Variants in ARHGEF37 observed in about 807,000 individuals in gnomAD.
ARHGEF37 encodes the protein Rho guanine nucleotide exchange factor 37, also known as Rho guanine nucleotide exchange factor (GEF) 37.
Under a neutral mutation model 71.1 loss-of-function variants are expected in ARHGEF37, and 55 were observed. The ratio of observed to expected loss-of-function variants is 0.77; its 90% CI spans 0.62 to 0.97. The LOEUF (loss-of-function observed/expected upper bound fraction) is 0.97. Among genes scored for constraint, ARHGEF37 ranks in the 50% least tolerant of loss-of-function variants. The probability of loss-of-function intolerance (pLI) is 0.00; values close to 1 mark genes in which losing one functional copy is unlikely to be tolerated. For synonymous variants in ARHGEF37, 327 were observed against 350.6 expected, an observed-to-expected ratio of 0.93 and a Z score of 0.75; for missense variants, 765 against 836.8, an observed-to-expected ratio of 0.91 and a Z score of 1.06.
intron 1 of ARHGEF37, among the ~76,000 whole-genome samples, chr5:149,593,666 T>G (rs770750335): frequency 1.2e-4 from 19 of 152,248 alleles, no homozygotes; most frequent in Non-Finnish European, 2.6e-4. Context: ...GTATGTTATA[T>G]GTATTATATA....
chr5:149,577,534 A>G (rs1394435629), upstream of ARHGEF37, among the ~76,000 whole-genome samples: 1 of 152,236 alleles, frequency 6.6e-6, no homozygotes, highest in Non-Finnish European at 1.5e-5. Flanking sequence ...ATTAAAAAAA[A>G]TGGTATGGGA....
Position 149,616,660 on chromosome 5 carries a change from G to A in ARHGEF37, c.552G>A (p.Glu184=), listed in dbSNP as rs1752393098. ...RYPLLLQKIL[E]NTVPDASAYP... ...CACTGCTGCTGCAGAAAATCCTGGA[G>A]AACACAGTCCCTGATGCCAGTGCCT... The change falls in exon 5 of 13, where the codon GAG becomes GAA. Residue 184 remains glutamate, a synonymous_variant. Coordinates refer to ENST00000333677, the MANE Select transcript of ARHGEF37 (RefSeq NM_001001669.3). The A allele has an allele frequency of 1.2e-6, 2 of 1,613,766 alleles. No homozygotes were observed. Among genetic ancestry groups the A allele is most frequent in the Non-Finnish European group, 1.7e-6 (2 of 1,179,926 alleles).
At chr5:149,554,247 T>A (rs1762722560) in intron 1 of ARHGEF37, among the ~76,000 whole-genome samples, 4 of 152,050 alleles carry the variant, frequency 2.6e-5, no homozygotes. Flanking sequence ...GGAGGATCAT[T>A]TGACTCCAGG....
chr5:149,589,000 T>A (rs1056273198), intron 1 of ARHGEF37, among the ~76,000 whole-genome samples: 1 of 152,084 alleles, frequency 6.6e-6, no homozygotes, highest in African/African-American at 2.4e-5. Flanking sequence ...GAGGCCAAGA[T>A]GAGAGGATCA....
intron 1 of ARHGEF37, among the ~76,000 whole-genome samples, chr5:149,591,399 T>G (rs189896749): frequency 1.3e-5 from 2 of 152,242 alleles, no homozygotes; most frequent in Admixed American, 6.5e-5. Context: ...TGTCTTTTTT[T>G]AAGAGATGAG....
intron 1 of ARHGEF37, among the ~76,000 whole-genome samples, chr5:149,597,375 A>G (rs1441313782): frequency 6.6e-6 from 1 of 151,998 alleles, no homozygotes; most frequent in Non-Finnish European, 1.5e-5. Flanking sequence ...CTTCTGCCTC[A>G]GCGTATCTGA....
intron 1 of ARHGEF37, among the ~76,000 whole-genome samples, chr5:149,562,725 C>T (rs1167685747): frequency 6.6e-6 from 1 of 152,088 alleles, no homozygotes; most frequent in East Asian, 1.9e-4. Flanking sequence ...GGATTACAGG[C>T]GTGAGCCACC....
intron 3 of ARHGEF37, among the ~76,000 whole-genome samples, chr5:149,602,640 G>T (rs1373408875): frequency 1.3e-5 from 2 of 151,888 alleles, no homozygotes; most frequent in African/African-American, 2.4e-5. Flanking sequence ...ATTCTGAAAT[G>T]GTTAGGATGA....
intron 7 of ARHGEF37, 61 bp from the exon 8 acceptor site, chr5:149,620,293 T>C: frequency 7.9e-7 from 1 of 1,263,166 alleles, no homozygotes; most frequent in Non-Finnish European, 1.1e-6. Context: ...TGGAAGGGGA[T>C]TCCAGCGTAA....
At chr5:149,605,152 A>G (rs1240071107) in intron 3 of ARHGEF37, among the ~76,000 whole-genome samples, 3 of 150,448 alleles carry the variant, frequency 2.0e-5, no homozygotes, top group Admixed American at 2.0e-4. Flanking sequence ...GCTTGAACCC[A>G]GGAGGTGGAG....
At chr5:149,631,856 G>A in intron 12 of ARHGEF37, 126 bp from the exon 13 acceptor site, 1 of 853,700 alleles carries the variant, frequency 1.2e-6, no homozygotes, top group Non-Finnish European at 1.8e-6. Context: ...GTACTTGGGA[G>A]GTGACGAGCA....
intron 1 of ARHGEF37, among the ~76,000 whole-genome samples, chr5:149,567,250 T>C (rs1166408651): frequency 2.6e-5 from 4 of 152,256 alleles, no homozygotes; most frequent in Admixed American, 6.5e-5. Flanking sequence ...GTTATACTTT[T>C]TGGCAGGAAT....
At chr5:149,607,724 C>T (rs1286344385) in intron 3 of ARHGEF37, among the ~76,000 whole-genome samples, 1 of 145,708 alleles carries the variant, frequency 6.9e-6, no homozygotes, top group Non-Finnish European at 1.5e-5. Context: ...AAAGTACATT[C>T]TCAACGGTGG....
Position 149,623,859 on chromosome 5 carries a change from CG to C in ARHGEF37, c.1336-152del, listed in dbSNP as rs1752606171. On this transcript the variant is annotated intron_variant, in intron 9 of 12. Transcript: ENST00000333677. Reference sequence around the variant, plus strand: ...TCTCACTCACTCCTAGGTTGTCTGACGAAAATGCAAGAGATCCTGCACAGGG... The same window carrying C: ...TCTCACTCACTCCTAGGTTGTCTGACAAAATGCAAGAGATCCTGCACAGGG... 2.6e-5 allele frequency among the ~76,000 whole-genome samples: 4 copies of C among 152,108 alleles called. No individual in the cohort carries two copies. In the South Asian group the frequency reaches 8.3e-4, roughly 32 times the overall value.
intron 3 of ARHGEF37, among the ~76,000 whole-genome samples, chr5:149,602,322 T>C (rs1430520478): frequency 6.6e-6 from 1 of 152,210 alleles, no homozygotes; most frequent in Non-Finnish European, 1.5e-5. Context: ...CCCAAGGTGC[T>C]GGGATTACAG....
In ARHGEF37 at chr5:149,611,386, C is replaced by T. The variant is rs530691946; in HGVS notation, c.458+1691C>T. On this transcript the variant is annotated intron_variant, in intron 4 of 12. Transcript: ENST00000333677. ...CCAGAGCCTCTGCTTTTTTAAGAGA[C>T]GCCAGAAACTTAGATGTAACATCTC... is the stretch of plus-strand genomic sequence containing the variant. 3.3e-4 allele frequency among the ~76,000 whole-genome samples: 50 copies of T among 152,284 alleles called. 1 individual carries two copies. In the South Asian group the frequency reaches 7.7e-3, roughly 23 times the overall value.
At chr5:149,627,522 C>T (rs892116896) in intron 11 of ARHGEF37, among the ~76,000 whole-genome samples, 2 of 152,208 alleles carry the variant, frequency 1.3e-5, no homozygotes, top group Non-Finnish European at 2.9e-5. Context: ...GTGTGCTGGG[C>T]GCTGAGCATA....
chr5:149,552,571 C>A (rs1023017884), intron 1 of ARHGEF37, among the ~76,000 whole-genome samples: 1 of 152,210 alleles, frequency 6.6e-6, no homozygotes, highest in Non-Finnish European at 1.5e-5. Flanking sequence ...GGCGCAGTGG[C>A]TCACGCCTGT....
chr5:149,614,033 G>A (rs1752300616), intron 4 of ARHGEF37, among the ~76,000 whole-genome samples: 1 of 151,890 alleles, frequency 6.6e-6, no homozygotes, highest in African/African-American at 2.4e-5. Flanking sequence ...CAAAGGGCTA[G>A]GATTACAAGC....
Sources: gnomAD v4.1 joint callset for allele counts (sites outside exome capture counted in the v4.1 genomes callset) on GRCh38, gnomAD v4.1.1 for gene constraint, MANE v1.5 for transcripts, NCBI Gene and HGNC (gene_info 2026-07-23, HGNC 2026-07-21) for gene names.